Variants in MBTPS2 observed in about 807,000 individuals in gnomAD.
MBTPS2 encodes the protein membrane bound transcription factor peptidase, site 2.
In MBTPS2, 2 loss-of-function variants were observed where a neutral mutation model predicts 35.4. The ratio of observed to expected loss-of-function variants is 0.06; its 90% CI spans 0.02 to 0.18. The LOEUF (loss-of-function observed/expected upper bound fraction) is 0.18, where lower values mean the gene tolerates loss of function less well. Ranked by LOEUF, MBTPS2 falls within the 10% of genes least tolerant of loss-of-function variation. The pLI, the probability that MBTPS2 is intolerant of heterozygous loss-of-function variation, is 1.00. For synonymous variants in MBTPS2, 125 were observed against 140.4 expected (o/e 0.89, Z 0.77); for missense variants, 244 against 386.5 (o/e 0.63, Z 3.09).
At position 21,845,160 on chromosome X, in the gene MBTPS2, C is replaced by G. The variant is rs1177163298; in HGVS notation, c.225-11C>G. On this transcript the variant is annotated splice_polypyrimidine_tract_variant and intron_variant, in intron 2 of 10. Coordinates refer to ENST00000379484, the MANE Select transcript of MBTPS2 (RefSeq NM_015884.4). ...ATTGTAAATTAACATGATTTTTTTC[C>G]CTTTTGACAGGTTCAATTTTGGAAT... 8.3e-7 allele frequency: 1 copy of G among 1,206,858 alleles called. No individual in the cohort carries two copies. The highest frequency in any genetic ancestry group is 1.8e-5 in the African/African-American group (1 of 57,076).
In MBTPS2 at chrX:21,869,692, C is replaced by T. The variant is rs1262900880; in HGVS notation, c.970+14C>T. ...TCCCAGTTAGAGGTGTGTATATTTC[C>T]TCAATATAATATAATGCTTCAAGCA... On this transcript the variant is annotated intron_variant, in intron 7 of 10. Coordinates refer to ENST00000379484, the MANE Select transcript of MBTPS2 (RefSeq NM_015884.4). 1.7e-6 allele frequency: 2 copies of T among 1,152,975 alleles called. No homozygotes were observed. Among genetic ancestry groups the T allele is most frequent in the South Asian group, 1.8e-5 (1 of 55,672 alleles).
Position 21,869,480 on chromosome X carries a change from T to C in MBTPS2, c.790-18T>C. 8.4e-7 allele frequency: 1 copy of C among 1,194,672 alleles called. No homozygotes were observed. Among genetic ancestry groups the C allele is most frequent in the Non-Finnish European group, 1.1e-6 (1 of 879,855 alleles). ...TGTCTTCATGCATTATCTGATTTGG[T>C]TTTACCCTCTTCCCAAGGACTCTCC... On this transcript the variant is annotated intron_variant, in intron 6 of 10. Coordinates refer to ENST00000379484, the MANE Select transcript of MBTPS2 (RefSeq NM_015884.4).
intron 3 of MBTPS2, among the ~76,000 whole-genome samples, chrX:21,848,061 T>A (rs1401887997): frequency 8.9e-6 from 1 of 112,674 alleles, no homozygotes; most frequent in East Asian, 2.8e-4. Flanking sequence ...AAATATCTAA[T>A]TGAGGAATGG....
intron 7 of MBTPS2, 131 bp downstream of exon 7, chrX:21,869,809 C>G: frequency 5.7e-6 from 3 of 523,148 alleles, no homozygotes; most frequent in South Asian, 6.0e-5. Context: ...TAAATAGATT[C>G]CAACCAATAG....
In MBTPS2 at chrX:21,885,216, G is replaced by C; in HGVS notation, c.*2561G>C. The C allele has an allele frequency of 1.3e-6, 1 of 751,875 alleles. No individual in the cohort carries two copies. Among genetic ancestry groups the C allele is most frequent in the Non-Finnish European group, 1.6e-6 (1 of 637,361 alleles). The allele number at this position is 751,875 out of a possible 1,213,427, so 62.0% of individuals were successfully genotyped here. ...TTCTAACAGCAAATTGTAAACATGT[G>C]CTTCATAGATATTGTGGCTCTCAGT... On this transcript the variant is annotated 3_prime_UTR_variant, in exon 11 of 11. Coordinates refer to ENST00000379484, the MANE Select transcript of MBTPS2 (RefSeq NM_015884.4).
At chrX:21,841,178 G>C (rs969755517) in intron 1 of MBTPS2, among the ~76,000 whole-genome samples, 5 of 111,575 alleles carry the variant, frequency 4.5e-5, no homozygotes, top group Non-Finnish European at 9.4e-5. Context: ...CAGCACTTTG[G>C]GGGAGGCTGA....
At chrX:21,849,270 T>C (rs534244524) in intron 3 of MBTPS2, among the ~76,000 whole-genome samples, 10 of 112,359 alleles carry the variant, frequency 8.9e-5, no homozygotes, top group African/African-American at 9.7e-5. Flanking sequence ...ATTTATGTCA[T>C]GTATTACAAA....
intron 5 of MBTPS2, among the ~76,000 whole-genome samples, chrX:21,866,670 A>G (rs997618475): frequency 3.6e-5 from 4 of 111,625 alleles, no homozygotes; most frequent in Non-Finnish European, 7.5e-5. Flanking sequence ...TCGTGTTCCT[A>G]TGTCAGAAAT....
Position 21,840,305 on chromosome X carries a change from A to G in MBTPS2, c.75+496A>G, listed in dbSNP as rs149844898. On this transcript the variant is annotated intron_variant, in intron 1 of 10. Coordinates refer to ENST00000379484, the MANE Select transcript of MBTPS2 (RefSeq NM_015884.4). The stretch of plus-strand genomic sequence containing the variant: ...GCGGTCAAAATGCAGATTCCGATTC[A>G]GCAGGTCTGCGGCAAGGCCTAAAAT... 5.9e-3 allele frequency among the ~76,000 whole-genome samples: 659 copies of G among 112,641 alleles called. 3 individuals are homozygous for G. The highest frequency in any genetic ancestry group is 0.02 in the African/African-American group (619 of 31,056).
At chrX:21,856,977 G>A in intron 5 of MBTPS2, 1 of 1,212,112 alleles carries the variant, frequency 8.3e-7, no homozygotes, top group Non-Finnish European at 1.1e-6. Flanking sequence ...CTCCAGCCTG[G>A]GCACGAGGAA....
At chrX:21,852,833 G>GA (rs1416834665) in intron 4 of MBTPS2, among the ~76,000 whole-genome samples, 4 of 108,492 alleles carry the variant, frequency 3.7e-5, no homozygotes, top group Non-Finnish European at 7.7e-5. Context: ...AAAACCTGCT[G>GA]AAAAAACTGG....
In MBTPS2 at chrX:21,860,279, G is replaced by A. The variant is rs188046690; in HGVS notation, c.670+6776G>A. Among the ~76,000 whole-genome samples, 232 of 110,101 alleles carry A rather than the reference G, an allele frequency of 2.1e-3. 2 individuals are homozygous for A. Among genetic ancestry groups the A allele is most frequent in the African/African-American group, 7.2e-3 (217 of 30,250 alleles). The stretch of plus-strand genomic sequence containing the variant: ...ATACAAAAATTAGCTGGGGTTGCTG[G>A]CATAGCACCTGTAATTCCAGCTACT... On this transcript the variant is annotated intron_variant, in intron 5 of 10. Coordinates refer to ENST00000379484, the MANE Select transcript of MBTPS2 (RefSeq NM_015884.4).
At chrX:21,881,597 AAG>A (rs2092959429) in intron 10 of MBTPS2, among the ~76,000 whole-genome samples, 1 of 111,890 alleles carries the variant, frequency 8.9e-6, no homozygotes, top group Admixed American at 9.6e-5. Flanking sequence ...AAATTAAAAA[AAG>A]AAATGGAAAA....
At chrX:21,856,625 C>T in intron 5 of MBTPS2, 4 of 1,211,953 alleles carry the variant, frequency 3.3e-6, no homozygotes, top group Non-Finnish European at 4.5e-6. Context: ...ATGTGGATGG[C>T]AATTGGATCT....
chrX:21,859,780 G>A lies in MBTPS2; in HGVS notation c.670+6277G>A, dbSNP rs747549937. Among the ~76,000 whole-genome samples the A allele has an allele frequency of 7.1e-4, 79 of 111,698 alleles. 1 individual carries two copies. Among genetic ancestry groups the A allele is most frequent in the African/African-American group, 2.4e-3 (74 of 30,723 alleles). ...TACAATGCGCAGACAGCCCCACGAA[G>A]CACATAATTATTTGGCCAAAATGCC... is the stretch of plus-strand genomic sequence containing the variant. On this transcript the variant is annotated intron_variant, in intron 5 of 10. Coordinates refer to ENST00000379484, the MANE Select transcript of MBTPS2 (RefSeq NM_015884.4).
chrX:21,847,495 G>A (rs919709891), intron 3 of MBTPS2, among the ~76,000 whole-genome samples: 2 of 111,932 alleles, frequency 1.8e-5, no homozygotes, highest in African/African-American at 6.5e-5. Context: ...TCAGTATTCT[G>A]GTACATCTGA....
rs143335256 is a variant in MBTPS2, at chrX:21,845,237, G to A, written c.291G>A (p.Thr97=). The change falls in exon 3 of 11, where the codon ACG becomes ACA. Residue 97 remains threonine, a synonymous_variant. Transcript: ENST00000379484. The stretch of plus-strand genomic sequence containing the variant: ...GCTCATTTTTTCTCCTTGGAAAAAC[G>A]CTGATGCAGACTTTGGCACAAATGA... ...MFSSFFLLGK[T]LMQTLAQMMA... The A allele has an allele frequency of 1.4e-4, 169 of 1,209,439 alleles. No homozygotes were observed. The highest frequency in any genetic ancestry group is 1.9e-4 in the Non-Finnish European group (167 of 895,035).
At chrX:21,863,598 T>C (rs1488522084) in intron 5 of MBTPS2, among the ~76,000 whole-genome samples, 1 of 111,902 alleles carries the variant, frequency 8.9e-6, no homozygotes, top group Non-Finnish European at 1.9e-5. Flanking sequence ...TAAATTAATT[T>C]CATATTAGGG....
At chrX:21,848,416 G>A (rs1024704291) in intron 3 of MBTPS2, among the ~76,000 whole-genome samples, 6 of 108,439 alleles carry the variant, frequency 5.5e-5, no homozygotes, top group Non-Finnish European at 9.6e-5. Context: ...TGAAATCCCA[G>A]CACTTTGGGA....
Sources: allele counts gnomAD v4.1 joint callset (sites outside exome capture counted in the v4.1 genomes callset), GRCh38; gene constraint gnomAD v4.1.1; transcripts MANE v1.5; gene names NCBI Gene and HGNC (gene_info 2026-07-23, HGNC 2026-07-21).